Variants in RB1 observed in about 807,000 individuals in gnomAD.
RB1 encodes RB transcriptional corepressor 1.
Under a neutral mutation model 135.4 loss-of-function variants are expected in RB1, and 18 were observed. The observed-to-expected ratio is 0.13, with a 90% CI of 0.09 to 0.20. RB1 has a LOEUF of 0.20. Ranked by LOEUF, RB1 falls within the 10% of genes least tolerant of loss-of-function variation. The pLI is 1.00. For synonymous variants in RB1, 365 were observed against 373.2 expected, an observed-to-expected ratio of 0.98 and a Z score of 0.25; for missense variants, 868 against 1,110.0, an observed-to-expected ratio of 0.78 and a Z score of 3.10.
chr13:48,318,057 T>TG, intron 2 of RB1: 1 of 533,536 alleles, frequency 1.9e-6, no homozygotes, highest in Non-Finnish European at 3.5e-6. Context: ...TGGCATTCCC[T>TG]GGGGAAATGG....
intron 2 of RB1, among the ~76,000 whole-genome samples, chr13:48,330,013 C>CA (rs909369945): frequency 2.7e-5 from 4 of 150,582 alleles, no homozygotes; most frequent in Non-Finnish European, 5.9e-5. Flanking sequence ...AACTAGCAAG[C>CA]AAAAATAACA....
At chr13:48,304,385 A>G (rs1952059676) in intron 1 of RB1, among the ~76,000 whole-genome samples, 1 of 152,082 alleles carries the variant, frequency 6.6e-6, no homozygotes. Context: ...AAAAATAAAA[A>G]TACAAAAATG....
At chr13:48,330,824 A>C (rs989449679) in intron 2 of RB1, among the ~76,000 whole-genome samples, 1 of 152,218 alleles carries the variant, frequency 6.6e-6, no homozygotes, top group Non-Finnish European at 1.5e-5. Flanking sequence ...CCTTGATACC[A>C]AAGTCAGGCA....
At chr13:48,307,745 C>T (rs1350002998) in intron 2 of RB1, among the ~76,000 whole-genome samples, 1 of 150,510 alleles carries the variant, frequency 6.6e-6, no homozygotes, top group African/African-American at 2.4e-5. Context: ...CGCCTGTAGT[C>T]CCAGCTATTT....
At position 48,347,412 on chromosome 13, in the gene RB1, G is replaced by T. The variant is rs577702457; in HGVS notation, c.501-413G>T. 2.0e-5 allele frequency among the ~76,000 whole-genome samples: 3 copies of T among 152,228 alleles called. No homozygotes were observed. In the East Asian group the frequency reaches 5.8e-4, roughly 29 times the overall value. ...TGGTAGTAATCTTGGGCTTTGCCCT[G>T]CAGGCAGTGGAAACTCCTTGAATGA... On this transcript the variant is annotated intron_variant, in intron 4 of 26. Transcript: ENST00000267163.
chr13:48,315,733 C>G (rs1349884272), intron 2 of RB1, among the ~76,000 whole-genome samples: 1 of 152,222 alleles, frequency 6.6e-6, no homozygotes, highest in African/African-American at 2.4e-5. Context: ...ACCACACTTT[C>G]TTTATCCACT....
chr13:48,446,906 A>C (rs1160799505), intron 17 of RB1, among the ~76,000 whole-genome samples: 2 of 152,094 alleles, frequency 1.3e-5, no homozygotes, highest in African/African-American at 2.4e-5. Flanking sequence ...CAGGGTTTTG[A>C]GTGTGGAGGT....
chr13:48,473,525 G>GAT, intron 24 of RB1, 135 bp downstream of exon 24: 3 of 694,380 alleles, frequency 4.3e-6, no homozygotes, highest in Non-Finnish European at 7.3e-6. Flanking sequence ...AATTTTATGA[G>GAT]ATATATATAT....
At chr13:48,342,071 G>A (rs1952448190) in intron 2 of RB1, among the ~76,000 whole-genome samples, 4 of 151,822 alleles carry the variant, frequency 2.6e-5, no homozygotes, top group Admixed American at 6.5e-5. Context: ...TCATTTAATT[G>A]TTACAAAATG....
At chr13:48,446,457 C>T (rs1949288288) in intron 17 of RB1, among the ~76,000 whole-genome samples, 1 of 152,152 alleles carries the variant, frequency 6.6e-6, no homozygotes, top group Admixed American at 6.5e-5. Flanking sequence ...CTGCATCTTG[C>T]TTGCTAGTAG....
chr13:48,473,320 G>T lies in RB1; in HGVS notation c.2490-40G>T, dbSNP rs2138354471. 3 of 1,509,868 alleles carry T rather than the reference G, an allele frequency of 2.0e-6. No individual in the cohort carries two copies. The highest frequency in any genetic ancestry group is 2.3e-5 in the South Asian group (2 of 88,586). 93.5% of individuals were successfully genotyped at this position (1,509,868 alleles called of 1,614,324 possible). The stretch of plus-strand genomic sequence containing the variant: ...GCTCATCTCTGCAAAATTGTATATG[G>T]TTTTTTATTACTAATTGGTATTTCA... On this transcript the variant is annotated intron_variant, in intron 23 of 26. Transcript: ENST00000267163.
chr13:48,373,964 A>C (rs1952791705), intron 12 of RB1, among the ~76,000 whole-genome samples: 1 of 152,066 alleles, frequency 6.6e-6, no homozygotes, highest in African/African-American at 2.4e-5. Context: ...CATTACCTGG[A>C]TCCCATTTTT....
At chr13:48,358,328 T>C (rs1395719211) in intron 6 of RB1, among the ~76,000 whole-genome samples, 4 of 152,154 alleles carry the variant, frequency 2.6e-5, no homozygotes, top group African/African-American at 7.2e-5. Context: ...GGACTGTATA[T>C]GTGTAACCCT....
chr13:48,479,394 A>G (rs957225620), intron 26 of RB1, among the ~76,000 whole-genome samples: 1 of 152,246 alleles, frequency 6.6e-6, no homozygotes, highest in African/African-American at 2.4e-5. Context: ...CTGCTGAAGT[A>G]TATGCCAAGC....
chr13:48,414,840 T>C (rs1593488960), intron 17 of RB1, among the ~76,000 whole-genome samples: 1 of 152,204 alleles, frequency 6.6e-6, no homozygotes, highest in African/African-American at 2.4e-5. Flanking sequence ...GTTGAATATC[T>C]TTTATATCAC....
At chr13:48,405,383 A>G (rs1948730817) in intron 17 of RB1, among the ~76,000 whole-genome samples, 1 of 152,178 alleles carries the variant, frequency 6.6e-6, no homozygotes, top group African/African-American at 2.4e-5. Flanking sequence ...CTTTTGAAGA[A>G]TTTTAAGATT....
chr13:48,411,184 C>T (rs1183043637), intron 17 of RB1: 2 of 473,644 alleles, frequency 4.2e-6, no homozygotes, highest in Non-Finnish European at 7.5e-6. Context: ...CAAAATGGCT[C>T]AGAAAAATCA....
intron 12 of RB1, among the ~76,000 whole-genome samples, chr13:48,376,088 C>T (rs749932747): frequency 6.6e-6 from 1 of 151,916 alleles, no homozygotes; most frequent in Non-Finnish European, 1.5e-5. Flanking sequence ...AGTTGAATAG[C>T]CCCACTCCAA....
intron 7 of RB1, 33 bp from the exon 8 acceptor site, chr13:48,362,782 C>T (rs909103756): frequency 6.3e-7 from 1 of 1,596,272 alleles, no homozygotes; most frequent in East Asian, 2.2e-5. Flanking sequence ...GATGGATGTA[C>T]AATTGTTCTT....
Sources: allele counts gnomAD v4.1 joint callset (sites outside exome capture counted in the v4.1 genomes callset), GRCh38; gene constraint gnomAD v4.1.1; transcripts MANE v1.5; gene names NCBI Gene and HGNC (gene_info 2026-07-23, HGNC 2026-07-21).